MARCO: variants seen among roughly 807,000 people sequenced by gnomAD.
MARCO encodes the protein macrophage receptor with collagenous structure.
MARCO carries 72 observed loss-of-function variants against 70.0 expected under a neutral mutation model. That is an observed-to-expected ratio of 1.03 (90% CI 0.85 to 1.25). The LOEUF is 1.25. Ranked by LOEUF, MARCO falls within the 50% of genes most tolerant of loss-of-function variation. The pLI is 0.00. For missense variants in MARCO, 696 were observed against 659.3 expected (o/e 1.06, Z -0.61); for synonymous variants, 273 against 243.1 (o/e 1.12, Z -1.14).
At chr2:118,982,770 G>A (rs759621399) in intron 12 of MARCO, among the ~76,000 whole-genome samples, 10 of 152,200 alleles carry the variant, frequency 6.6e-5, no homozygotes, top group Non-Finnish European at 1.2e-4. Context: ...GGGTCCAAGA[G>A]TCTAGATTCA....
At chr2:118,961,497 G>A (rs969862979) in intron 1 of MARCO, among the ~76,000 whole-genome samples, 5 of 152,060 alleles carry the variant, frequency 3.3e-5, no homozygotes, top group Non-Finnish European at 5.9e-5. Flanking sequence ...TCTTGCGTAT[G>A]TTGGCTACAT....
At chr2:118,950,001 T>C (rs1262634489) in intron 1 of MARCO, 9 of 152,210 alleles carry the variant, frequency 5.9e-5, no homozygotes, top group African/African-American at 2.2e-4. Flanking sequence ...GTTTTAAACG[T>C]GGGTACATCA....
chr2:118,955,649 C>T (rs947418714), intron 1 of MARCO, among the ~76,000 whole-genome samples: 4 of 152,176 alleles, frequency 2.6e-5, no homozygotes, highest in Admixed American at 6.5e-5. Context: ...GACACATTGT[C>T]ATCAGGTTAT....
In MARCO at chr2:118,990,150, T is replaced by A. The variant is rs142370365; in HGVS notation, c.1064-439T>A. Among the ~76,000 whole-genome samples, 3 of 152,340 alleles carry A rather than the reference T, an allele frequency of 2.0e-5. No individual in the cohort carries two copies. The East Asian group carries it at 5.8e-4, about 29-fold the overall frequency. ...AAAACCAACAAATACTTGAAGAGCATCTACTATGCAGGAGGACCTCCAAAG... is the reference window on the plus strand; with the variant it reads ...AAAACCAACAAATACTTGAAGAGCAACTACTATGCAGGAGGACCTCCAAAG... On this transcript the variant is annotated intron_variant, in intron 12 of 16. Transcript: ENST00000327097.
At chr2:118,952,770 GCCT>G (rs1473614364) in intron 1 of MARCO, 1 of 152,166 alleles carries the variant, frequency 6.6e-6, no homozygotes, top group Non-Finnish European at 1.5e-5. Flanking sequence ...GTGGTGTGGT[GCCT>G]CCTCATGAAA....
At chr2:118,978,388 T>C (rs1460485652) in intron 8 of MARCO, among the ~76,000 whole-genome samples, 1 of 152,206 alleles carries the variant, frequency 6.6e-6, no homozygotes. Context: ...GGGTGCTTGC[T>C]TAAAATGCAG....
Position 118,969,153 on chromosome 2 carries a change from G to T in MARCO, c.98-7G>T, listed in dbSNP as rs1680112297. ...AGCAGCCTCCTTCCTCCTGGCTTGT[G>T]TTTCAGTTCCAAAGCCCAAGAGGAG... On this transcript the variant is annotated splice_region_variant and splice_polypyrimidine_tract_variant and intron_variant, in intron 1 of 16. Coordinates refer to ENST00000327097, the MANE Select transcript of MARCO (RefSeq NM_006770.4). 3 of 1,606,916 alleles carry T rather than the reference G, an allele frequency of 1.9e-6. No individual in the cohort carries two copies. Among genetic ancestry groups the T allele is most frequent in the Non-Finnish European group, 2.6e-6 (3 of 1,173,466 alleles).
intron 1 of MARCO, among the ~76,000 whole-genome samples, chr2:118,942,684 CT>C (rs1475782437): frequency 1.3e-5 from 2 of 152,114 alleles, no homozygotes; most frequent in East Asian, 1.9e-4. Context: ...TAAATGTCCC[CT>C]TTTTTTAATG....
In MARCO at chr2:118,942,240, T is replaced by C; in HGVS notation, c.-61T>C. 5 of 1,072,272 alleles carry C rather than the reference T, an allele frequency of 4.7e-6. No homozygotes were observed. The highest frequency in any genetic ancestry group is 7.2e-6 in the Non-Finnish European group (5 of 696,842). The allele number at this position is 1,072,272 out of a possible 1,614,324, so 66.4% of individuals were successfully genotyped here. On this transcript the variant is annotated 5_prime_UTR_variant, in exon 1 of 17. Transcript: ENST00000327097. ...ATGGGAAGGATCTTTCTCCAAGTGG[T>C]TCCTCTTGAGGGGAGCATTTCTGCT...
At chr2:118,989,868 A>G (rs924169159) in intron 12 of MARCO, among the ~76,000 whole-genome samples, 6 of 152,248 alleles carry the variant, frequency 3.9e-5, no homozygotes, top group African/African-American at 1.4e-4. Flanking sequence ...ATTGGCACTT[A>G]AAATCAAGAG....
chr2:118,983,617 G>T (rs889417690), intron 12 of MARCO, among the ~76,000 whole-genome samples: 1 of 152,078 alleles, frequency 6.6e-6, no homozygotes, highest in Non-Finnish European at 1.5e-5. Flanking sequence ...TTCCATCTGG[G>T]TATAGTCGTC....
chr2:118,990,745 T>C (rs1365923046), intron 13 of MARCO, 112 bp downstream of exon 13: 10 of 1,078,430 alleles, frequency 9.3e-6, no homozygotes, highest in Non-Finnish European at 1.4e-5. Context: ...TCTCCCAAAG[T>C]GGAGGTTAAG....
At chr2:118,980,175 G>C (rs1424392506) in intron 8 of MARCO, among the ~76,000 whole-genome samples, 3 of 152,202 alleles carry the variant, frequency 2.0e-5, no homozygotes, top group African/African-American at 7.2e-5. Context: ...GATTCCTCCA[G>C]GGAAACAGTT....
intron 4 of MARCO, among the ~76,000 whole-genome samples, chr2:118,973,114 G>A (rs1047082525): frequency 2.0e-5 from 3 of 147,020 alleles, no homozygotes; most frequent in Non-Finnish European, 3.0e-5. Context: ...ATAGATGTAT[G>A]TACATAGAGA....
intron 1 of MARCO, among the ~76,000 whole-genome samples, chr2:118,960,981 C>T (rs1679934885): frequency 6.6e-6 from 1 of 152,128 alleles, no homozygotes; most frequent in Admixed American, 6.6e-5. Context: ...TAAGTGAGAA[C>T]ATGCAGTGTT....
Position 118,963,882 on chromosome 2 carries a change from G to A in MARCO, c.98-5278G>A, listed in dbSNP as rs570040405. On this transcript the variant is annotated intron_variant, in intron 1 of 16. Coordinates refer to ENST00000327097, the MANE Select transcript of MARCO (RefSeq NM_006770.4). ...TTATTGATATGTCAGTGCTTAAATT[G>A]GCCATCTTATTGTGTGTTTTCTGTT... is the stretch of plus-strand genomic sequence containing the variant. Among the ~76,000 whole-genome samples the A allele has an allele frequency of 6.6e-5, 10 of 152,086 alleles. No homozygotes were observed. The South Asian group carries it at 1.0e-3, about 16-fold the overall frequency.
intron 1 of MARCO, among the ~76,000 whole-genome samples, chr2:118,952,067 G>A (rs984509685): frequency 5.3e-5 from 8 of 152,114 alleles, no homozygotes; most frequent in African/African-American, 1.9e-4. Context: ...CAACCAGCAG[G>A]AGTGGAGCTT....
intron 12 of MARCO, among the ~76,000 whole-genome samples, chr2:118,985,920 T>G (rs1336284967): frequency 3.3e-5 from 5 of 152,210 alleles, no homozygotes; most frequent in Non-Finnish European, 7.3e-5. Flanking sequence ...AAAACCGAAG[T>G]GCAAATAACT....
chr2:118,986,993 T>C (rs1281657025), intron 12 of MARCO, among the ~76,000 whole-genome samples: 1 of 152,100 alleles, frequency 6.6e-6, no homozygotes, highest in Non-Finnish European at 1.5e-5. Flanking sequence ...TCCCTGACAG[T>C]TTCACAGCAC....
Sources: gnomAD v4.1 joint callset for allele counts (sites outside exome capture counted in the v4.1 genomes callset) on GRCh38, gnomAD v4.1.1 for gene constraint, MANE v1.5 for transcripts, NCBI Gene and HGNC (gene_info 2026-07-23, HGNC 2026-07-21) for gene names.